ADAMTS6: variants seen among roughly 807,000 people sequenced by gnomAD.
ADAMTS6 encodes the protein ADAM metallopeptidase with thrombospondin type 1 motif 6.
Under a neutral mutation model 144.3 loss-of-function variants are expected in ADAMTS6, and 23 were observed. That is an observed-to-expected ratio of 0.16 (90% CI 0.11 to 0.23). ADAMTS6 has a LOEUF of 0.23. ADAMTS6 is among the 10% of genes least tolerant of loss of function. ADAMTS6 has a pLI of 1.00. For missense variants in ADAMTS6, 999 were observed against 1,379.6 expected, an observed-to-expected ratio of 0.72 and a Z score of 4.37; for synonymous variants, 444 against 457.5, an observed-to-expected ratio of 0.97 and a Z score of 0.38.
chr5:65,294,009 T>C (rs2112771636), intron 10 of ADAMTS6, among the ~76,000 whole-genome samples: 1 of 152,328 alleles, frequency 6.6e-6, no homozygotes, highest in South Asian at 2.1e-4. Context: ...TGGATTTGGC[T>C]ATATTTGTAC....
intron 7 of ADAMTS6, 111 bp from the exon 8 acceptor site, chr5:65,334,196 T>C (rs547333862): frequency 1.6e-6 from 2 of 1,220,840 alleles, no homozygotes; most frequent in African/African-American, 1.6e-5. Flanking sequence ...AATGCAATTA[T>C]GAGCAATCAA....
intron 23 of ADAMTS6, among the ~76,000 whole-genome samples, chr5:65,171,201 G>A (rs1753606993): frequency 6.6e-6 from 1 of 151,902 alleles, no homozygotes; most frequent in African/African-American, 2.4e-5. Flanking sequence ...AGTAGAGACG[G>A]GGTTTCACCA....
intron 7 of ADAMTS6, among the ~76,000 whole-genome samples, chr5:65,345,171 G>T (rs952424726): frequency 2.0e-5 from 3 of 151,658 alleles, no homozygotes; most frequent in Non-Finnish European, 4.4e-5. Flanking sequence ...GATTATATCA[G>T]CTTAGGATTA....
chr5:65,275,393 AAG>A (rs1260447211), intron 11 of ADAMTS6, among the ~76,000 whole-genome samples: 3 of 147,630 alleles, frequency 2.0e-5, no homozygotes. Flanking sequence ...GAAAGAAAGA[AAG>A]AAAGAAAGAA....
chr5:65,357,113 C>T (rs185229639), intron 7 of ADAMTS6, among the ~76,000 whole-genome samples: 37 of 151,614 alleles, frequency 2.4e-4, no homozygotes, highest in African/African-American at 8.2e-4. Flanking sequence ...TGTAAAACTA[C>T]TTCATGTGTA....
chr5:65,208,049 A>T (rs1171331579), intron 20 of ADAMTS6, among the ~76,000 whole-genome samples: 1 of 152,188 alleles, frequency 6.6e-6, no homozygotes, highest in Non-Finnish European at 1.5e-5. Context: ...GTGGCATGCT[A>T]TTCCTTCTTT....
Position 65,407,350 on chromosome 5 carries a change from TA to T in ADAMTS6, c.1073+44124del, listed in dbSNP as rs201780109. 3.5e-3 allele frequency among the ~76,000 whole-genome samples: 529 copies of T among 149,898 alleles called. 6 individuals are homozygous for T. The highest frequency in any genetic ancestry group is 9.7e-3 in the African/African-American group (399 of 41,046). On this transcript the variant is annotated intron_variant, in intron 7 of 24. Transcript: ENST00000381055. ...CAATATTCAATGTTCTTTTTTTTTT[TA>T]TTATACTTTAAGTTTTAGGGTACAT...
At chr5:65,347,598 A>C (rs1748458493) in intron 7 of ADAMTS6, among the ~76,000 whole-genome samples, 1 of 152,094 alleles carries the variant, frequency 6.6e-6, no homozygotes, top group South Asian at 2.1e-4. Context: ...CTGGGCAATG[A>C]TTTTCTGGAT....
At chr5:65,355,137 G>A (rs1430450023) in intron 7 of ADAMTS6, among the ~76,000 whole-genome samples, 1 of 151,732 alleles carries the variant, frequency 6.6e-6, no homozygotes, top group Non-Finnish European at 1.5e-5. Flanking sequence ...GCCAAATCTA[G>A]TATATCTTCT....
chr5:65,176,941 A>G (rs1322357730), intron 22 of ADAMTS6, among the ~76,000 whole-genome samples: 1 of 152,210 alleles, frequency 6.6e-6, no homozygotes, highest in Non-Finnish European at 1.5e-5. Flanking sequence ...TTTAAAACAA[A>G]AGGTCAATTT....
chr5:65,178,732 AG>A (rs1561253110), intron 22 of ADAMTS6, among the ~76,000 whole-genome samples: 1 of 152,236 alleles, frequency 6.6e-6, no homozygotes, highest in East Asian at 1.9e-4. Flanking sequence ...CTGAATATAA[AG>A]GCCCCCCATA....
At chr5:65,465,313 A>C (rs56706257) in intron 3 of ADAMTS6, among the ~76,000 whole-genome samples, 5,758 of 152,188 alleles carry the variant, frequency 0.038, 325 homozygotes, top group African/African-American at 0.13. Context: ...CCTGCATCTT[A>C]TGTCCATATA....
At chr5:65,297,783 G>T (rs1489637871) in intron 10 of ADAMTS6, among the ~76,000 whole-genome samples, 3 of 152,202 alleles carry the variant, frequency 2.0e-5, no homozygotes, top group Non-Finnish European at 4.4e-5. Flanking sequence ...ATTATAATCA[G>T]ATTTGTTTAG....
At chr5:65,269,176 A>G (rs1761867157) in intron 12 of ADAMTS6, among the ~76,000 whole-genome samples, 1 of 152,220 alleles carries the variant, frequency 6.6e-6, no homozygotes, top group Non-Finnish European at 1.5e-5. Flanking sequence ...AATGAAAAGT[A>G]TTGATGATAC....
At chr5:65,187,967 A>G (rs772936887) in intron 22 of ADAMTS6, 49 bp downstream of exon 22, 1 of 1,586,440 alleles carries the variant, frequency 6.3e-7, no homozygotes, top group African/African-American at 1.3e-5. Context: ...TTTAGGATAG[A>G]TAGTTAGGAC....
At chr5:65,315,330 C>T (rs12332747) in intron 9 of ADAMTS6, among the ~76,000 whole-genome samples, 2,557 of 151,654 alleles carry the variant, frequency 0.017, 63 homozygotes, top group African/African-American at 0.059. Flanking sequence ...AACTCAAGAG[C>T]AGCAACTAAA....
intron 7 of ADAMTS6, among the ~76,000 whole-genome samples, chr5:65,369,242 A>C (rs1441585667): frequency 6.6e-6 from 1 of 152,120 alleles, no homozygotes; most frequent in Non-Finnish European, 1.5e-5. Flanking sequence ...AAAAATAAAA[A>C]CAGAAATAAT....
rs1478452908 is a variant in ADAMTS6 at position 65,302,104 on chromosome 5, AAAAATATAT to A, written c.1224-1982_1224-1974del. 6.4e-4 allele frequency among the ~76,000 whole-genome samples: 27 copies of A among 42,288 alleles called. 1 individual carries two copies. The highest frequency in any genetic ancestry group is 4.4e-3 in the Admixed American group (17 of 3,878). The allele number at this position is 42,288 out of a possible 152,430, so 27.7% of individuals were successfully genotyped here. A position where few individuals can be genotyped will look rare whatever the true frequency, so the allele number is the denominator to read the frequency against. ...AAGGCTCTGTCTCCAAAAAAAAAAAAAAAATATATATATATATATATATATGCACATATA... is the reference window on the plus strand; with the variant it reads ...AAGGCTCTGTCTCCAAAAAAAAAAAAATATATATATATATATGCACATATA... On this transcript the variant is annotated intron_variant, in intron 9 of 24. Coordinates refer to ENST00000381055, the MANE Select transcript of ADAMTS6 (RefSeq NM_197941.4).
intron 20 of ADAMTS6, among the ~76,000 whole-genome samples, chr5:65,205,998 G>A (rs1262068182): frequency 1.3e-5 from 2 of 152,054 alleles, no homozygotes; most frequent in African/African-American, 4.8e-5. Flanking sequence ...AACATCACCA[G>A]GGCCCTGAAT....
Sources: gnomAD v4.1 joint callset for allele counts (sites outside exome capture counted in the v4.1 genomes callset) on GRCh38, gnomAD v4.1.1 for gene constraint, MANE v1.5 for transcripts, NCBI Gene and HGNC (gene_info 2026-07-23, HGNC 2026-07-21) for gene names.